HDAC4: variants seen among roughly 807,000 people sequenced by gnomAD.
HDAC4 encodes histone deacetylase 4, also known as histone deacetylase A.
HDAC4 carries 16 observed loss-of-function variants against 135.1 expected under a neutral mutation model. The ratio of observed to expected loss-of-function variants is 0.12; its 90% confidence interval spans 0.08 to 0.18. The LOEUF (loss-of-function observed/expected upper bound fraction) is 0.18. HDAC4 is among the 10% of genes least tolerant of loss of function. HDAC4 has a pLI of 1.00. For missense variants in HDAC4, 1,143 were observed against 1,511.8 expected (o/e 0.76, Z 4.05); for synonymous variants, 685 against 653.4 (o/e 1.05, Z -0.74).
intron 24 of HDAC4, among the ~76,000 whole-genome samples, chr2:239,055,567 C>T (rs1245660868): frequency 2.0e-5 from 3 of 151,900 alleles, no homozygotes; most frequent in Admixed American, 6.6e-5. Flanking sequence ...AAATACAAAA[C>T]TTAGCCAGGT....
At position 239,170,243 on chromosome 2, in the gene HDAC4, ACAT is replaced by A. The variant is rs144603311; in HGVS notation, c.490+6167_490+6169del. Among the ~76,000 whole-genome samples the A allele has an allele frequency of 3.9e-3, 595 of 152,370 alleles. 7 individuals are homozygous for A. The highest frequency in any genetic ancestry group is 0.014 in the African/African-American group (565 of 41,590). On this transcript the variant is annotated intron_variant, in intron 5 of 26. Coordinates refer to ENST00000543185, the MANE Select transcript of HDAC4 (RefSeq NM_001378414.1). ...TAGCAAATATTTATAAAAATGTACA[ACAT>A]AATATAGGCATAATAATACAGTTTA...
chr2:239,058,179 CTG>C (rs1398442873), intron 24 of HDAC4, among the ~76,000 whole-genome samples: 2 of 152,136 alleles, frequency 1.3e-5, no homozygotes, highest in African/African-American at 4.8e-5. Flanking sequence ...AGGATGCTGA[CTG>C]TGTTGACAAT....
intron 5 of HDAC4, among the ~76,000 whole-genome samples, chr2:239,170,703 G>T (rs1032374244): frequency 3.9e-5 from 6 of 152,190 alleles, no homozygotes; most frequent in African/African-American, 1.4e-4. Context: ...CTAGCCTTCT[G>T]TGTGAAGGCA....
intron 3 of HDAC4, among the ~76,000 whole-genome samples, chr2:239,193,171 G>C (rs1351311710): frequency 6.6e-6 from 1 of 152,212 alleles, no homozygotes; most frequent in Non-Finnish European, 1.5e-5. Flanking sequence ...GTCACCCAAG[G>C]TCCCATGTAG....
chr2:239,164,489 G>A lies in HDAC4; in HGVS notation c.491-566C>T, dbSNP rs556657976. 7.2e-5 allele frequency among the ~76,000 whole-genome samples: 11 copies of A among 152,324 alleles called. No individual in the cohort carries two copies. In the East Asian group the frequency reaches 1.5e-3, roughly 21 times the overall value. ...GACTGCACCAAGTGGGACCGAAGTC[G>A]AAACTGTGGTTTTCTTCCGTGGCGG... On this transcript the variant is annotated intron_variant, in intron 5 of 26. Coordinates refer to ENST00000543185, the MANE Select transcript of HDAC4 (RefSeq NM_001378414.1).
In HDAC4 at chr2:239,115,175, C is replaced by T. The variant is rs373617636; in HGVS notation, c.1669G>A (p.Ala557Thr). Reference protein sequence around the residue: ...DRLPGQKEAHAQAGVQVKQEP... With the variant: ...DRLPGQKEAHTQAGVQVKQEP... ...TGCTTCACCTGCACGCCGGCCTGTG[C>T]GTGCGCCTCCTTCTGCCCCGGCAGC... Residue 557 changes from alanine to threonine, a missense_variant, in exon 13 of 27, where the codon GCA becomes ACA. Physicochemically the swap from Ala to Thr is moderately conservative, Grantham distance 58. Transcript: ENST00000543185. The surrounding 1 kb of genome is among the most constrained non-coding windows in gnomAD (Gnocchi z 6.3). 8.3e-5 allele frequency: 134 copies of T among 1,611,054 alleles called. No homozygotes were observed. The highest frequency in any genetic ancestry group is 9.9e-5 in the Non-Finnish European group (117 of 1,179,928).
At chr2:239,071,865 C>T (rs184114188) in intron 22 of HDAC4, among the ~76,000 whole-genome samples, 45 of 152,266 alleles carry the variant, frequency 3.0e-4, no homozygotes, top group African/African-American at 7.5e-4. Flanking sequence ...CCGGTTGAGA[C>T]GCCCATGGTG....
Position 239,226,162 on chromosome 2 carries a change from TA to T in HDAC4, c.94+10430del, listed in dbSNP as rs2047228862. Among the ~76,000 whole-genome samples the T allele has an allele frequency of 2.6e-5, 4 of 151,956 alleles. No individual in the cohort carries two copies. The South Asian group carries it at 8.3e-4, about 32-fold the overall frequency. The stretch of plus-strand genomic sequence containing the variant: ...GCCTTAAAGCACACAAAGCTGGTAA[TA>T]AAAGAAAAAAGATAAAAAGCCCTTT... On this transcript the variant is annotated intron_variant, in intron 3 of 26. Transcript: ENST00000543185.
intron 2 of HDAC4, among the ~76,000 whole-genome samples, chr2:239,293,385 T>C (rs1452886990): frequency 6.6e-6 from 1 of 152,164 alleles, no homozygotes; most frequent in African/African-American, 2.4e-5. Flanking sequence ...GCAAACACCT[T>C]GCAAAACCGC....
Position 239,349,149 on chromosome 2 carries a change from T to TGGGCAGGCAAGGGTGAGCC in HDAC4, c.22+3510_22+3528dup, listed in dbSNP as rs1403261276. 2.0e-5 allele frequency among the ~76,000 whole-genome samples: 3 copies of TGGGCAGGCAAGGGTGAGCC among 152,024 alleles called. No individual in the cohort carries two copies. The highest frequency in any genetic ancestry group is 4.8e-5 in the African/African-American group (2 of 41,406). Reference sequence around the variant, plus strand: ...ACAGGAGCAGGGCCCCCATGCCAGATGGGCAGGCAAGGGTGAGCCAGGCAG... The same window carrying TGGGCAGGCAAGGGTGAGCC: ...ACAGGAGCAGGGCCCCCATGCCAGATGGGCAGGCAAGGGTGAGCCGGGCAGGCAAGGGTGAGCCAGGCAG... On this transcript the variant is annotated intron_variant, in intron 2 of 26. Transcript: ENST00000543185. The surrounding 1 kb of genome is among the most constrained non-coding windows in gnomAD (Gnocchi z 5.7).
intron 2 of HDAC4, among the ~76,000 whole-genome samples, chr2:239,274,131 G>A (rs967017432): frequency 1.3e-5 from 2 of 152,196 alleles, no homozygotes; most frequent in Non-Finnish European, 2.9e-5. Flanking sequence ...TTTCGTAAAT[G>A]TTTGAAATTT....
At chr2:239,133,501 C>T (rs2040737881) in intron 11 of HDAC4, among the ~76,000 whole-genome samples, 1 of 152,232 alleles carries the variant, frequency 6.6e-6, no homozygotes, top group Non-Finnish European at 1.5e-5. Flanking sequence ...GAGTCTCGCT[C>T]TGTTGCCCAG....
intron 1 of HDAC4, among the ~76,000 whole-genome samples, chr2:239,359,502 C>G (rs1295705983): frequency 6.6e-6 from 1 of 152,208 alleles, no homozygotes; most frequent in East Asian, 1.9e-4. Flanking sequence ...CTGAGCAGGA[C>G]AGAGGACCTG....
At position 239,087,547 on chromosome 2, in the gene HDAC4, G is replaced by A. The variant is rs1457889124; in HGVS notation, c.2444+12C>T. ...GGTTCCCCTGCTGTGCGGGGCTGCG[G>A]CGTGTACTCACATGGGCGTGCTCTC... On this transcript the variant is annotated intron_variant, in intron 19 of 26. Coordinates refer to ENST00000543185, the MANE Select transcript of HDAC4 (RefSeq NM_001378414.1). 13 of 1,612,468 alleles carry A rather than the reference G, an allele frequency of 8.1e-6. No homozygotes were observed. The highest frequency in any genetic ancestry group is 1.0e-5 in the Non-Finnish European group (12 of 1,179,404).
chr2:239,097,225 T>G (rs2152747205), intron 16 of HDAC4, among the ~76,000 whole-genome samples: 1 of 152,360 alleles, frequency 6.6e-6, no homozygotes, highest in Admixed American at 6.5e-5. Context: ...CCTCCCTGCC[T>G]GGGCTGTACA....
At position 239,331,869 on chromosome 2, in the gene HDAC4, G is replaced by A. The variant is rs1691600961; in HGVS notation, c.22+20809C>T. 6.6e-6 allele frequency among the ~76,000 whole-genome samples: 1 copy of A among 152,136 alleles called. No individual in the cohort carries two copies. Among genetic ancestry groups the A allele is most frequent in the Admixed American group, 6.5e-5 (1 of 15,274 alleles). ...GCAGCACCGGACGGCTCGGACCCTG[G>A]GAAACGAACGCCAGACTGAGCGTGG... is the stretch of plus-strand genomic sequence containing the variant. On this transcript the variant is annotated intron_variant, in intron 2 of 26. Transcript: ENST00000543185. This position sits in a 1 kb window ranked among gnomAD's most constrained non-coding sequence, Gnocchi z 4.5.
At chr2:239,378,655 T>G (rs946551093) in intron 1 of HDAC4, among the ~76,000 whole-genome samples, 1 of 132,710 alleles carries the variant, frequency 7.5e-6, no homozygotes, top group South Asian at 2.4e-4. Context: ...CGGGAACCAA[T>G]GACCCCGGGA....
intron 2 of HDAC4, among the ~76,000 whole-genome samples, chr2:239,300,157 G>C (rs756767620): frequency 1.2e-4 from 18 of 152,144 alleles, no homozygotes; most frequent in Non-Finnish European, 2.1e-4. Flanking sequence ...TGCTGGCCCA[G>C]GCTGTGCGCT....
At chr2:239,316,656 G>C (rs1387536730) in intron 2 of HDAC4, among the ~76,000 whole-genome samples, 2 of 152,120 alleles carry the variant, frequency 1.3e-5, no homozygotes, top group Non-Finnish European at 2.9e-5. Context: ...GAATGAGCAG[G>C]AGCCTGTGGA....
Sources: gnomAD v4.1 joint callset for allele counts (sites outside exome capture counted in the v4.1 genomes callset) on GRCh38, gnomAD v4.1.1 for gene constraint, Gnocchi (gnomAD v3.1) non-coding constraint, MANE v1.5 for transcripts, NCBI Gene and HGNC (gene_info 2026-07-23, HGNC 2026-07-21) for gene names.